The following NTM variants were observed in gnomAD, a reference collection of about 807,000 sequenced individuals.
The protein encoded by NTM is neurotrimin, also known as IgLON family member 2.
Under a neutral mutation model 42.1 loss-of-function variants are expected in NTM, and 13 were observed. The observed-to-expected ratio is 0.31, with a 90% CI of 0.20 to 0.49. NTM has a LOEUF of 0.49. Among genes scored for constraint, NTM ranks in the 20% least tolerant of loss-of-function variants. NTM has a pLI of 0.99. For missense variants in NTM, 373 were observed against 452.8 expected (o/e 0.82, Z 1.60); for synonymous variants, 187 against 179.2 (o/e 1.04, Z -0.35).
chr11:131,910,739 C>T (rs1459448107), intron 1 of NTM: 7 of 706,480 alleles, frequency 9.9e-6, no homozygotes, highest in Non-Finnish European at 1.2e-5. Context: ...GGGGCCGCCG[C>T]GGTCCGCTCC....
intron 2 of NTM, among the ~76,000 whole-genome samples, chr11:131,973,223 A>G (rs1593296721): frequency 6.6e-6 from 1 of 152,294 alleles, no homozygotes; most frequent in Admixed American, 6.5e-5. Context: ...ATCACCTCTA[A>G]TCCTTTTTGT....
chr11:131,895,920 A>G (rs937582290), intron 1 of NTM, among the ~76,000 whole-genome samples: 2 of 152,182 alleles, frequency 1.3e-5, no homozygotes, highest in African/African-American at 4.8e-5. Flanking sequence ...GCAACTTTCC[A>G]AGAAGAACGT....
chr11:131,601,689 TC>T (rs992752328), intron 1 of NTM, among the ~76,000 whole-genome samples: 1 of 152,116 alleles, frequency 6.6e-6, no homozygotes, highest in Non-Finnish European at 1.5e-5. Flanking sequence ...ATACAGAAGT[TC>T]CCTTCTGACT....
chr11:132,061,155 CTAAGA>C (rs1420947849), intron 2 of NTM, among the ~76,000 whole-genome samples: 1 of 152,168 alleles, frequency 6.6e-6, no homozygotes, highest in African/African-American at 2.4e-5. Context: ...TAGTCACACA[CTAAGA>C]TAAGTTCACT....
In NTM at chr11:131,401,840, A is replaced by G. The variant is rs1329008479; in HGVS notation, c.82+30952A>G. On this transcript the variant is annotated intron_variant, in intron 1 of 8. Transcript: ENST00000683400. ...TATATATATATATATATATATATAT[A>G]TATATATATATATATATATATTTTA... Among the ~76,000 whole-genome samples the G allele has an allele frequency of 1.5e-3, 135 of 92,930 alleles. 9 individuals are homozygous for G. The highest frequency in any genetic ancestry group is 2.9e-3 in the African/African-American group (74 of 25,266). 61.0% of individuals were successfully genotyped at this position (92,930 alleles called of 152,430 possible). A position where few individuals can be genotyped will look rare whatever the true frequency, so the allele number is the denominator to read the frequency against.
chr11:131,674,706 G>T lies in NTM; in HGVS notation c.83-236858G>T, dbSNP rs191412960. On this transcript the variant is annotated intron_variant, in intron 1 of 8. Coordinates refer to ENST00000683400, the MANE Select transcript of NTM (RefSeq NM_001352005.2). ...TTGCAGTTACAAGAATATTGCCATT[G>T]TTATTTGCAAGCCTGATTTCCCTGT... Among the ~76,000 whole-genome samples, 31 of 152,302 alleles carry T rather than the reference G, an allele frequency of 2.0e-4. 1 individual carries two copies. The East Asian group carries it at 5.4e-3, about 27-fold the overall frequency.
At chr11:131,441,421 C>T (rs1030977718) in intron 1 of NTM, among the ~76,000 whole-genome samples, 1 of 152,150 alleles carries the variant, frequency 6.6e-6, no homozygotes, top group African/African-American at 2.4e-5. Flanking sequence ...TACTCTGATT[C>T]TTATTGAATT....
At chr11:132,183,330 C>T (rs138733792) in intron 3 of NTM, among the ~76,000 whole-genome samples, 1 of 152,274 alleles carries the variant, frequency 6.6e-6, no homozygotes, top group East Asian at 1.9e-4. Context: ...CAAACAGGCT[C>T]AGCATTTGAG....
intron 1 of NTM, among the ~76,000 whole-genome samples, chr11:131,600,154 C>A (rs991473995): frequency 2.0e-5 from 3 of 152,182 alleles, no homozygotes; most frequent in African/African-American, 7.2e-5. Context: ...ACCCTCCTCC[C>A]AGCAGCCCTC....
intron 2 of NTM, among the ~76,000 whole-genome samples, chr11:131,931,602 T>C (rs917372321): frequency 1.3e-5 from 2 of 151,810 alleles, no homozygotes; most frequent in African/African-American, 2.4e-5. Context: ...CTAGGTGATG[T>C]TTGGGCTACA....
chr11:131,911,344 C>T (rs1027091077), intron 1 of NTM: 8 of 1,504,016 alleles, frequency 5.3e-6, no homozygotes, highest in Middle Eastern at 1.8e-4. Flanking sequence ...GCGCTTTTCT[C>T]CTCCCCGCGC....
chr11:131,786,791 G>C lies in NTM; in HGVS notation c.83-124773G>C, dbSNP rs560947160. On this transcript the variant is annotated intron_variant, in intron 1 of 8. Coordinates refer to ENST00000683400, the MANE Select transcript of NTM (RefSeq NM_001352005.2). ...CATCATCAACACTGGTTAGCAGAAG[G>C]GTTTAGAAGCACGTCTGAAGAGGCA... Among the ~76,000 whole-genome samples the C allele has an allele frequency of 1.8e-4, 28 of 152,272 alleles. 1 individual carries two copies. Among genetic ancestry groups the C allele is most frequent in the African/African-American group, 6.7e-4 (28 of 41,548 alleles).
intron 1 of NTM, among the ~76,000 whole-genome samples, chr11:131,549,504 C>T (rs2054370364): frequency 6.6e-6 from 1 of 152,156 alleles, no homozygotes; most frequent in Admixed American, 6.5e-5. Context: ...CTAAATCTTT[C>T]ATACATATTA....
At chr11:131,929,686 T>C (rs475611) in intron 2 of NTM, among the ~76,000 whole-genome samples, 1 of 152,156 alleles carries the variant, frequency 6.6e-6, no homozygotes, top group Non-Finnish European at 1.5e-5. Context: ...TCTTTTTTTT[T>C]GGTTCACACT....
At chr11:131,617,592 G>A (rs758552401) in intron 1 of NTM, among the ~76,000 whole-genome samples, 6 of 152,124 alleles carry the variant, frequency 3.9e-5, no homozygotes, top group Non-Finnish European at 7.3e-5. Flanking sequence ...AGCAGTATGG[G>A]TGATGGATTT....
chr11:131,754,589 C>T (rs764628664), intron 1 of NTM, among the ~76,000 whole-genome samples: 1 of 150,428 alleles, frequency 6.6e-6, no homozygotes, highest in Admixed American at 6.6e-5. Flanking sequence ...TGCACCACTG[C>T]ACTCCAGCCT....
chr11:131,415,483 A>T (rs1378276057), intron 1 of NTM, among the ~76,000 whole-genome samples: 1 of 152,210 alleles, frequency 6.6e-6, no homozygotes, highest in Non-Finnish European at 1.5e-5. Context: ...ATCATATACC[A>T]CATTATTAAG....
chr11:131,853,170 G>A (rs2045760341), intron 1 of NTM, among the ~76,000 whole-genome samples: 1 of 151,562 alleles, frequency 6.6e-6, no homozygotes, highest in Admixed American at 6.6e-5. Context: ...ATAATTTGTG[G>A]CTCTTCCTTT....
intron 1 of NTM, among the ~76,000 whole-genome samples, chr11:131,417,400 T>C (rs1187722951): frequency 1.3e-5 from 2 of 152,184 alleles, no homozygotes; most frequent in Non-Finnish European, 2.9e-5. Flanking sequence ...TTTTGTTAGA[T>C]ATTAAGAGAC....
Sources: gnomAD v4.1 joint callset for allele counts (sites outside exome capture counted in the v4.1 genomes callset) on GRCh38, gnomAD v4.1.1 for gene constraint, MANE v1.5 for transcripts, NCBI Gene and HGNC (gene_info 2026-07-23, HGNC 2026-07-21) for gene names.